The following FA2H variants were observed in gnomAD, a reference collection of about 807,000 sequenced individuals.
FA2H encodes the protein fatty acid alpha-hydroxylase.
A neutral mutation model predicts 44.9 loss-of-function variants in FA2H; 22 were observed. The observed-to-expected ratio is 0.49, with a 90% confidence interval of 0.35 to 0.70. The LOEUF (loss-of-function observed/expected upper bound fraction) is 0.70. Among genes scored for constraint, FA2H ranks in the 30% least tolerant of loss-of-function variants. The pLI, the probability that FA2H is intolerant of heterozygous loss-of-function variation, is 0.01. For synonymous variants in FA2H, 243 were observed against 213.2 expected (o/e 1.14, Z -1.22); for missense variants, 501 against 504.9 (o/e 0.99, Z 0.07).
At chr16:74,749,569 T>C (rs1467795566) in intron 1 of FA2H, among the ~76,000 whole-genome samples, 2 of 152,320 alleles carry the variant, frequency 1.3e-5, no homozygotes, top group South Asian at 2.1e-4. Flanking sequence ...GGACCCAGCA[T>C]TGCTTCTGCT....
intron 4 of FA2H, among the ~76,000 whole-genome samples, chr16:74,722,189 T>C (rs116107684): frequency 0.019 from 2,881 of 148,156 alleles, 94 homozygotes; most frequent in African/African-American, 0.067. Flanking sequence ...CTTTCTGAGG[T>C]AGGCAAGACT....
intron 1 of FA2H, 80 bp downstream of exon 1, chr16:74,774,406 G>T: frequency 7.3e-7 from 1 of 1,365,650 alleles, no homozygotes; most frequent in South Asian, 1.6e-5. Context: ...CCTGCTAGAG[G>T]GCAAGTGAAC....
At chr16:74,739,801 TCTG>T (rs1196309416) in intron 2 of FA2H, among the ~76,000 whole-genome samples, 1 of 152,088 alleles carries the variant, frequency 6.6e-6, no homozygotes, top group East Asian at 1.9e-4. Context: ...TCAGAACTTG[TCTG>T]CTATTTTTCT....
chr16:74,758,026 A>G (rs1329776098), intron 1 of FA2H, among the ~76,000 whole-genome samples: 3 of 151,940 alleles, frequency 2.0e-5, no homozygotes, highest in Admixed American at 2.0e-4. Flanking sequence ...CTTTAAATAT[A>G]TATATACGCA....
Position 74,752,938 on chromosome 16 carries a change from C to T in FA2H, c.271-12823G>A, listed in dbSNP as rs118000032. ...AGAGAGACCAGAATGTCACATTCTCCGGCTCCTCCAGGGGTGCACAGTCCT... is the reference window on the plus strand; with the variant it reads ...AGAGAGACCAGAATGTCACATTCTCTGGCTCCTCCAGGGGTGCACAGTCCT... On this transcript the variant is annotated intron_variant, in intron 1 of 6. Coordinates refer to ENST00000219368, the MANE Select transcript of FA2H (RefSeq NM_024306.5). Among the ~76,000 whole-genome samples the T allele has an allele frequency of 8.5e-3, 1,296 of 152,292 alleles. 14 individuals carry two copies. The highest frequency in any genetic ancestry group is 0.034 in the South Asian group (163 of 4,822).
chr16:74,771,014 G>A (rs528356918), intron 1 of FA2H, among the ~76,000 whole-genome samples: 22 of 152,212 alleles, frequency 1.4e-4, no homozygotes, highest in African/African-American at 5.3e-4. Flanking sequence ...ACCATCCAGG[G>A]CAGCTGGCCA....
chr16:74,719,153 C>G lies in FA2H; in HGVS notation c.621G>C (p.Thr207=), dbSNP rs779856022. ...RLFTSFTTEY[T]VAVPKSMFPG... ...GGAACATGGACTTGGGCACTGCCACCGTGTACTCTGCAGGGTGGCAGGGAG... is the reference window on the plus strand; with the variant it reads ...GGAACATGGACTTGGGCACTGCCACGGTGTACTCTGCAGGGTGGCAGGGAG... The change falls in exon 5 of 7, where the codon ACG becomes ACC. Residue 207 remains threonine (T), a synonymous_variant. Transcript: ENST00000219368. 1.9e-6 allele frequency: 3 copies of G among 1,613,250 alleles called. No homozygotes were observed. The highest frequency in any genetic ancestry group is 2.5e-6 in the Non-Finnish European group (3 of 1,179,978).
At chr16:74,717,782 C>T (rs1214239306) in intron 5 of FA2H, among the ~76,000 whole-genome samples, 1 of 152,204 alleles carries the variant, frequency 6.6e-6, no homozygotes, top group Non-Finnish European at 1.5e-5. Context: ...CCTGAGACAG[C>T]CCCTGGGGCC....
chr16:74,743,896 G>T (rs34988360), intron 1 of FA2H, among the ~76,000 whole-genome samples: 38,799 of 152,102 alleles, frequency 0.26, 5,197 homozygotes, highest in East Asian at 0.46. Context: ...GCGTCACGCG[G>T]TGTCAGTAGC....
intron 2 of FA2H, 122 bp downstream of exon 2, chr16:74,739,901 C>G: frequency 1.2e-6 from 1 of 820,334 alleles, no homozygotes; most frequent in Non-Finnish European, 2.2e-6. Flanking sequence ...ACCTGCTTCT[C>G]CTTCCCCTTC....
At chr16:74,736,427 C>A (rs1233698309) in intron 2 of FA2H, among the ~76,000 whole-genome samples, 3 of 152,092 alleles carry the variant, frequency 2.0e-5, no homozygotes, top group Non-Finnish European at 2.9e-5. Flanking sequence ...AGTGTGTTGG[C>A]CAAAAGGGCC....
intron 1 of FA2H, among the ~76,000 whole-genome samples, chr16:74,772,009 G>A (rs1962917667): frequency 6.6e-6 from 1 of 150,882 alleles, no homozygotes; most frequent in Non-Finnish European, 1.5e-5. Context: ...GAAGTGCAGT[G>A]GCGTGATCTT....
intron 1 of FA2H, among the ~76,000 whole-genome samples, chr16:74,753,943 AT>A (rs1030146182): frequency 1.3e-5 from 2 of 152,168 alleles, no homozygotes; most frequent in African/African-American, 4.8e-5. Flanking sequence ...TTACACACGG[AT>A]TTTTTTCACT....
chr16:74,755,507 T>C (rs1962596214), intron 1 of FA2H, among the ~76,000 whole-genome samples: 1 of 152,222 alleles, frequency 6.6e-6, no homozygotes, highest in Non-Finnish European at 1.5e-5. Context: ...ATAATATCAC[T>C]GGAAATGTGA....
intron 2 of FA2H, among the ~76,000 whole-genome samples, chr16:74,735,458 C>T (rs555618628): frequency 1.3e-5 from 2 of 152,322 alleles, no homozygotes; most frequent in Admixed American, 1.3e-4. Context: ...CTCAGGCTCA[C>T]CCCACGAGGA....
intron 1 of FA2H, among the ~76,000 whole-genome samples, chr16:74,752,052 T>C (rs545114614): frequency 2.0e-5 from 3 of 152,176 alleles, no homozygotes; most frequent in Non-Finnish European, 2.9e-5. Context: ...CTCAACTTCT[T>C]CCTTTCCCTC....
In FA2H at chr16:74,713,908, G is replaced by A. The variant is rs531435931; in HGVS notation, c.*282C>T. 1.2e-5 allele frequency: 5 copies of A among 433,058 alleles called. No homozygotes were observed. Among genetic ancestry groups the A allele is most frequent in the South Asian group, 7.6e-5 (2 of 26,336 alleles). The allele number at this position is 433,058 out of a possible 1,614,324, so 26.8% of individuals were successfully genotyped here. On this transcript the variant is annotated 3_prime_UTR_variant, in exon 7 of 7. Coordinates refer to ENST00000219368, the MANE Select transcript of FA2H (RefSeq NM_024306.5). ...CCTTGCGGCTGCTACCTGTGGCCAC[G>A]GCCTGAAGCAGTCCTGTGGGCTGAG...
chr16:74,770,715 T>A (rs1316759400), intron 1 of FA2H, among the ~76,000 whole-genome samples: 1 of 152,192 alleles, frequency 6.6e-6, no homozygotes, highest in Non-Finnish European at 1.5e-5. Context: ...AGTTCTTAGG[T>A]TAGAACTCTG....
intron 1 of FA2H, among the ~76,000 whole-genome samples, chr16:74,750,822 C>A (rs1043948343): frequency 7.1e-6 from 1 of 140,318 alleles, no homozygotes; most frequent in African/African-American, 2.7e-5. Flanking sequence ...TGTCAGCAGG[C>A]TGGAGTGCAG....
Sources: gnomAD v4.1 joint callset for allele counts (sites outside exome capture counted in the v4.1 genomes callset) on GRCh38, gnomAD v4.1.1 for gene constraint, MANE v1.5 for transcripts, NCBI Gene and HGNC (gene_info 2026-07-23, HGNC 2026-07-21) for gene names.